CNTNAP3B: variants seen among roughly 807,000 people sequenced by gnomAD.
The protein encoded by CNTNAP3B is contactin associated protein family member 3B.
In CNTNAP3B, 25 loss-of-function variants were observed where a neutral mutation model predicts 108.9. The observed-to-expected ratio is 0.23, with a 90% CI of 0.17 to 0.32. The LOEUF (loss-of-function observed/expected upper bound fraction) is 0.32. CNTNAP3B is among the 10% of genes least tolerant of loss of function. The pLI, the probability that CNTNAP3B is intolerant of heterozygous loss-of-function variation, is 1.00. For synonymous variants in CNTNAP3B, 103 were observed against 473.4 expected, an observed-to-expected ratio of 0.22 and a Z score of 10.16; for missense variants, 252 against 1,210.4, an observed-to-expected ratio of 0.21 and a Z score of 11.75.
At chr9:41,940,988 A>G (rs1298895430) in intron 13 of CNTNAP3B, among the ~76,000 whole-genome samples, 2 of 152,146 alleles carry the variant, frequency 1.3e-5, no homozygotes, top group Admixed American at 1.3e-4. Context: ...ATGGATAAAT[A>G]TAATAGACTA....
At chr9:42,053,380 C>A (rs1225690878) in intron 3 of CNTNAP3B, among the ~76,000 whole-genome samples, 1 of 133,262 alleles carries the variant, frequency 7.5e-6, no homozygotes, top group Non-Finnish European at 1.6e-5. Flanking sequence ...GAATTGATGT[C>A]ATATGTATAA....
At chr9:41,921,789 C>T (rs1175983247) in intron 17 of CNTNAP3B, among the ~76,000 whole-genome samples, 2 of 150,536 alleles carry the variant, frequency 1.3e-5, no homozygotes, top group African/African-American at 2.5e-5. Flanking sequence ...TGAGAGAGCC[C>T]CAGAAGTGAG....
At chr9:41,935,736 G>A (rs1354669940) in intron 14 of CNTNAP3B, among the ~76,000 whole-genome samples, 3 of 152,252 alleles carry the variant, frequency 2.0e-5, no homozygotes. Flanking sequence ...AATAAAATAA[G>A]GTTAAAAAGC....
At chr9:41,961,004 T>TATTTCATACA (rs1825071799) in intron 11 of CNTNAP3B, 112 bp from the exon 12 acceptor site, 1 of 1,508,132 alleles carries the variant, frequency 6.6e-7, no homozygotes, top group Non-Finnish European at 8.9e-7. Context: ...TGACCCAACA[T>TATTTCATACA]CATTTTTATA....
At chr9:41,965,354 T>A (rs1373109494) in intron 10 of CNTNAP3B, among the ~76,000 whole-genome samples, 36 of 151,750 alleles carry the variant, frequency 2.4e-4, no homozygotes, top group Non-Finnish European at 3.4e-4. Context: ...TCAGAATTCT[T>A]GGAATCTGCT....
At chr9:41,918,250 T>C (rs1218873170) in intron 18 of CNTNAP3B, among the ~76,000 whole-genome samples, 5 of 150,452 alleles carry the variant, frequency 3.3e-5, no homozygotes, top group African/African-American at 9.9e-5. Context: ...CAACCCTCCT[T>C]CAAGGTCAGA....
intron 2 of CNTNAP3B, among the ~76,000 whole-genome samples, chr9:42,086,103 C>A (rs1320355657): frequency 7.1e-6 from 1 of 140,328 alleles, no homozygotes; most frequent in East Asian, 2.2e-4. Flanking sequence ...GGAGGCCTCA[C>A]AATCATGGCA....
chr9:42,036,137 C>A (rs1194943078), intron 3 of CNTNAP3B, among the ~76,000 whole-genome samples: 2 of 149,746 alleles, frequency 1.3e-5, no homozygotes, highest in Non-Finnish European at 3.0e-5. Context: ...AACTCCTGAC[C>A]TCAAGCACTC....
Position 41,929,376 on chromosome 9 carries a change from G to C in CNTNAP3B, c.2306C>G (p.Thr769Arg), listed in dbSNP as rs770441604. The C allele has an allele frequency of 5.2e-6, 8 of 1,544,976 alleles. 2 individuals carry two copies. In the African/African-American group the frequency reaches 6.2e-5, roughly 12 times the overall value. Residue 769 changes from threonine (T) to arginine (R), a missense_variant, in exon 15 of 24, where the codon ACA (threonine) becomes AGA (arginine). Coordinates refer to ENST00000377561, the MANE Select transcript of CNTNAP3B (RefSeq NM_001201380.3). Reference protein sequence around the residue: ...LPVTQIVMTDTGQPHSEADYT... With the variant: ...LPVTQIVMTDRGQPHSEADYT... ...ATCTGCTTCGGAATGTGGTTGGCCTGTGTCTGTCATCACAATCTGAGTGAC... is the reference window on the plus strand; with the variant it reads ...ATCTGCTTCGGAATGTGGTTGGCCTCTGTCTGTCATCACAATCTGAGTGAC...
intron 15 of CNTNAP3B, among the ~76,000 whole-genome samples, chr9:41,927,572 G>A (rs1396324043): frequency 3.0e-4 from 45 of 151,096 alleles, no homozygotes; most frequent in Non-Finnish European, 2.4e-4. Context: ...GAAGGAAGGA[G>A]CCATCTGAAT....
At chr9:41,937,670 A>G (rs1198106333) in intron 14 of CNTNAP3B, among the ~76,000 whole-genome samples, 1 of 152,290 alleles carries the variant, frequency 6.6e-6, no homozygotes, top group Non-Finnish European at 1.5e-5. Flanking sequence ...AATTCCGGAA[A>G]TTCTATGTTA....
At chr9:42,055,840 T>C (rs1474867358) in intron 3 of CNTNAP3B, among the ~76,000 whole-genome samples, 9 of 107,518 alleles carry the variant, frequency 8.4e-5, no homozygotes, top group African/African-American at 3.6e-4. Flanking sequence ...GTAAAGATTC[T>C]GCAGCCAGGC....
intron 3 of CNTNAP3B, among the ~76,000 whole-genome samples, chr9:42,021,772 G>A (rs2118450407): frequency 7.7e-6 from 1 of 129,636 alleles, no homozygotes; most frequent in Non-Finnish European, 1.6e-5. Flanking sequence ...AACAACATGA[G>A]GCACATGGAA....
At chr9:41,924,655 A>G (rs1437704706) in intron 15 of CNTNAP3B, among the ~76,000 whole-genome samples, 1,443 of 25,228 alleles carry the variant, frequency 0.057, 5 homozygotes, top group Non-Finnish European at 0.12. Context: ...GCACACACAC[A>G]CACACACACA....
At chr9:41,966,416 AATTTAC>A (rs1293396158) in intron 10 of CNTNAP3B, among the ~76,000 whole-genome samples, 4 of 152,296 alleles carry the variant, frequency 2.6e-5, no homozygotes, top group African/African-American at 9.6e-5. Flanking sequence ...AATTGTGAAA[AATTTAC>A]ATGTAGTACA....
chr9:42,099,405 G>T (rs1410955460), intron 2 of CNTNAP3B, among the ~76,000 whole-genome samples: 1 of 134,510 alleles, frequency 7.4e-6, no homozygotes, highest in Non-Finnish European at 1.6e-5. Flanking sequence ...CACCCATATA[G>T]TTAATCTCTT....
At chr9:41,952,980 T>C (rs1199592479) in intron 13 of CNTNAP3B, among the ~76,000 whole-genome samples, 1 of 152,254 alleles carries the variant, frequency 6.6e-6, no homozygotes, top group Non-Finnish European at 1.5e-5. Context: ...ATGAACGCGC[T>C]GAACGTCTCT....
intron 13 of CNTNAP3B, 90 bp downstream of exon 13, chr9:41,953,093 C>G (rs1824742604): frequency 7.5e-7 from 1 of 1,325,600 alleles, no homozygotes; most frequent in African/African-American, 1.5e-5. Context: ...CGGGAGGGAC[C>G]CTGGCCTTTT....
intron 14 of CNTNAP3B, among the ~76,000 whole-genome samples, chr9:41,937,318 G>A (rs1189678283): frequency 6.6e-6 from 1 of 151,866 alleles, no homozygotes; most frequent in Non-Finnish European, 1.5e-5. Context: ...GTGGAGACGG[G>A]GTTTCGCCAC....
Sources: allele counts gnomAD v4.1 joint callset (sites outside exome capture counted in the v4.1 genomes callset), GRCh38; gene constraint gnomAD v4.1.1; transcripts MANE v1.5; gene names NCBI Gene and HGNC (gene_info 2026-07-23, HGNC 2026-07-21).